The following MPI variants were observed in gnomAD, a reference collection of about 807,000 sequenced individuals.
MPI encodes mannose-6-phosphate isomerase.
In MPI, 33 loss-of-function variants were observed where a neutral mutation model predicts 40.1. That is an observed-to-expected ratio of 0.82 (90% CI 0.62 to 1.10). The LOEUF is 1.10. MPI is among the 50% of genes least tolerant of loss of function. The pLI, the probability that MPI is intolerant of heterozygous loss-of-function variation, is 0.00. For missense variants in MPI, 514 were observed against 524.1 expected, an observed-to-expected ratio of 0.98 and a Z score of 0.19; for synonymous variants, 187 against 207.4, an observed-to-expected ratio of 0.90 and a Z score of 0.85.
At chr15:74,890,409 A>G (rs2064706495) in intron 1 of MPI, 118 bp from the exon 2 acceptor site, 2 of 1,398,476 alleles carry the variant, frequency 1.4e-6, no homozygotes, top group Non-Finnish European at 2.0e-6. Context: ...CCAACAGCCT[A>G]CAAAACCCTT....
chr15:74,890,805 C>A, intron 2 of MPI, 151 bp downstream of exon 2: 2 of 1,023,766 alleles, frequency 2.0e-6, no homozygotes, highest in South Asian at 1.3e-5. Flanking sequence ...ATAGTGTTAT[C>A]AAAAAGAAGA....
intron 1 of MPI, 165 bp downstream of exon 1, chr15:74,890,254 G>A: frequency 1.9e-6 from 2 of 1,067,828 alleles, no homozygotes; most frequent in Non-Finnish European, 2.8e-6. Context: ...ACCTCCGAGG[G>A]GAGGGGGCCC....
chr15:74,891,396 C>G lies in MPI; in HGVS notation c.162C>G (p.His54Gln). 1 of 1,614,138 alleles carries G rather than the reference C, an allele frequency of 6.2e-7. No individual in the cohort carries two copies. The highest frequency in any genetic ancestry group is 8.5e-7 in the Non-Finnish European group (1 of 1,180,034). ...CTTTCCAGTTGTGGATGGGGACTCA[C>G]CCCCGAGGGGATGCCAAGATCCTTG... ...KPYAELWMGTHPRGDAKILDN... is the reference protein window; with the variant it reads ...KPYAELWMGTQPRGDAKILDN... Residue 54 changes from histidine to glutamine, a missense_variant, in exon 3 of 8, where the codon CAC becomes CAG. By Grantham distance (24) the His-to-Gln change is conservative. Coordinates refer to ENST00000352410, the MANE Select transcript of MPI (RefSeq NM_002435.3).
intron 6 of MPI, 107 bp downstream of exon 6, chr15:74,896,432 T>C (rs2064819809): frequency 1.5e-6 from 2 of 1,312,424 alleles, no homozygotes; most frequent in Non-Finnish European, 2.1e-6. Flanking sequence ...CCAAGGACCT[T>C]GCAGCTCTGA....
chr15:74,895,266 C>T (rs1463401390), intron 5 of MPI, among the ~76,000 whole-genome samples: 5 of 150,814 alleles, frequency 3.3e-5, no homozygotes, highest in Non-Finnish European at 7.4e-5. Flanking sequence ...TGAGCCACCG[C>T]GCCCAGCTGA....
Position 74,896,290 on chromosome 15 carries a change from TG to T in MPI, c.811del (p.Glu271ArgfsTer9). 1 of 1,614,220 alleles carries T rather than the reference TG, an allele frequency of 6.2e-7. No individual in the cohort carries two copies. The highest frequency in any genetic ancestry group is 1.1e-5 in the South Asian group (1 of 91,088). On this transcript the variant is annotated frameshift_variant, in exon 6 of 8. Transcript: ENST00000352410. LOFTEE classifies it high-confidence loss of function. ...CTGAAGCCTGGGGAGGCCATGTTTC[TG>T]GAGGCCAACGTACCCCATGCCTACC... Reference protein sequence around the residue: ...LTLKPGEAMFLEANVPHAYLK... With the variant: ...LTLKPGEAMFXEANVPHAYLK...
chr15:74,892,003 T>C (rs1240996116), intron 3 of MPI, among the ~76,000 whole-genome samples: 1 of 152,116 alleles, frequency 6.6e-6, no homozygotes, highest in South Asian at 2.1e-4. Context: ...CTCCTTTTTT[T>C]TTTTTTCTGA....
At chr15:74,891,311 T>C (rs950929716) in intron 2 of MPI, 68 bp from the exon 3 acceptor site, 17 of 1,468,772 alleles carry the variant, frequency 1.2e-5, no homozygotes, top group Admixed American at 1.0e-4. Context: ...GCATAACGGA[T>C]TGGGACAGGC....
In MPI at chr15:74,900,516, C is replaced by G. The variant is rs868737764; in HGVS notation, c.*2786C>G. The G allele has an allele frequency of 6.6e-6, 1 of 152,332 alleles. No homozygotes were observed. The allele number at this position is 152,332 out of a possible 1,614,324, so 9.4% of individuals were successfully genotyped here. A position where few individuals can be genotyped will look rare whatever the true frequency, so the allele number is the denominator to read the frequency against. On this transcript the variant is annotated 3_prime_UTR_variant, in exon 8 of 8. Coordinates refer to ENST00000352410, the MANE Select transcript of MPI (RefSeq NM_002435.3). ...CTTACCTTCCACAGCCACCTCCCAG[C>G]ACACACTGGGTCCCTCTACCTGTGT...
rs1268364682 is a variant in MPI at position 74,897,674 on chromosome 15, C to T, written c.1216C>T (p.Leu406=). 6.2e-7 allele frequency: 1 copy of T among 1,614,210 alleles called. No homozygotes were observed. The highest frequency in any genetic ancestry group is 8.5e-7 in the Non-Finnish European group (1 of 1,180,034). Reference sequence around the variant, plus strand: ...CATTGGGGCCAATGAGAGTGTCTCACTGAAGCTTACTGAGCCGAAGGACCT... The same window carrying T: ...CATTGGGGCCAATGAGAGTGTCTCATTGAAGCTTACTGAGCCGAAGGACCT... ...LFIGANESVS[L]KLTEPKDLLI... The change falls in exon 8 of 8, where the codon CTG becomes TTG. Residue 406 remains leucine, a synonymous_variant. Transcript: ENST00000352410.
intron 6 of MPI, 166 bp from the exon 7 acceptor site, chr15:74,896,845 C>T: frequency 1.4e-6 from 1 of 717,054 alleles, no homozygotes; most frequent in Non-Finnish European, 2.5e-6. Context: ...TGACCTGTCA[C>T]CTGTTTTTGG....
In MPI at chr15:74,897,007, C is replaced by A. The variant is rs1263283257; in HGVS notation, c.845-4C>A. 6.2e-7 allele frequency: 1 copy of A among 1,614,074 alleles called. No individual in the cohort carries two copies. The highest frequency in any genetic ancestry group is 8.5e-7 in the Non-Finnish European group (1 of 1,179,958). On this transcript the variant is annotated splice_polypyrimidine_tract_variant and splice_region_variant and intron_variant, in intron 6 of 7. Transcript: ENST00000352410. ...AGCTTAGCACATGACGACTGTCTCT[C>A]CAGACTGCGTGGAGTGCATGGCGTG...
At position 74,891,400 on chromosome 15, in the gene MPI, C is replaced by T. The variant is rs757168691; in HGVS notation, c.166C>T (p.Arg56Ter). 26 of 1,614,010 alleles carry T rather than the reference C, an allele frequency of 1.6e-5. No homozygotes were observed. The highest frequency in any genetic ancestry group is 2.2e-5 in the East Asian group (1 of 44,898). ...YAELWMGTHP[R>*]GDAKILDNRI... Reference sequence around the variant, plus strand: ...CCAGTTGTGGATGGGGACTCACCCCCGAGGGGATGCCAAGATCCTTGACAA... The same window carrying T: ...CCAGTTGTGGATGGGGACTCACCCCTGAGGGGATGCCAAGATCCTTGACAA... The change falls in exon 3 of 8, where the codon CGA becomes TGA. Residue 56 changes from arginine to a stop codon, truncating the protein, a stop_gained. Coordinates refer to ENST00000352410, the MANE Select transcript of MPI (RefSeq NM_002435.3). LOFTEE classifies it high-confidence loss of function.
Position 74,896,662 on chromosome 15 carries a change from G to A in MPI, c.844+337G>A, listed in dbSNP as rs2064823032. ...TTTGTATGTCTGTCCTACCTACCAG[G>A]GATTTTTACACTAAAATATGCATGT... On this transcript the variant is annotated intron_variant, in intron 6 of 7. Coordinates refer to ENST00000352410, the MANE Select transcript of MPI (RefSeq NM_002435.3). 24 of 608,652 alleles carry A rather than the reference G, an allele frequency of 3.9e-5. 1 individual carries two copies. The highest frequency in any genetic ancestry group is 3.1e-4 in the South Asian group (16 of 50,802). 37.7% of individuals were successfully genotyped at this position (608,652 alleles called of 1,614,324 possible).
chr15:74,896,173 A>T lies in MPI; in HGVS notation c.692A>T (p.Glu231Val). The change falls in exon 6 of 8, where the codon GAG (glutamate) becomes GTG (valine). Residue 231 changes from glutamate (E) to valine (V), a missense_variant. Physicochemically the swap from Glu to Val is moderately radical, Grantham distance 121. Coordinates refer to ENST00000352410, the MANE Select transcript of MPI (RefSeq NM_002435.3). ...SQQAAAGNNMEDIFGELLLQL... is the reference protein window; with the variant it reads ...SQQAAAGNNMVDIFGELLLQL... Reference sequence around the variant, plus strand: ...TCAGCGGCTGCCGGAAACAACATGGAGGACATCTTTGGGGAGCTTTTGCTA... The same window carrying T: ...TCAGCGGCTGCCGGAAACAACATGGTGGACATCTTTGGGGAGCTTTTGCTA... The T allele has an allele frequency of 1.2e-6, 2 of 1,614,138 alleles. No individual in the cohort carries two copies. The highest frequency in any genetic ancestry group is 1.7e-6 in the Non-Finnish European group (2 of 1,180,032).
At chr15:74,891,332 T>C (rs2064722975) in intron 2 of MPI, 47 bp from the exon 3 acceptor site, 1 of 1,580,148 alleles carries the variant, frequency 6.3e-7, no homozygotes, top group Non-Finnish European at 8.7e-7. Flanking sequence ...CAACTCAGGG[T>C]GGCAGGTTTC....
At position 74,900,346 on chromosome 15, in the gene MPI, G is replaced by A. The variant is rs1217635075; in HGVS notation, c.*2616G>A. On this transcript the variant is annotated 3_prime_UTR_variant, in exon 8 of 8. Coordinates refer to ENST00000352410, the MANE Select transcript of MPI (RefSeq NM_002435.3). ...AGAAACCTCTTCTTCAGGGACAGTTGCAGCTGAATATGCCAGAGCTGATTA... is the reference window on the plus strand; with the variant it reads ...AGAAACCTCTTCTTCAGGGACAGTTACAGCTGAATATGCCAGAGCTGATTA... The A allele has an allele frequency of 6.6e-6, 1 of 152,286 alleles. No individual in the cohort carries two copies. Among genetic ancestry groups the A allele is most frequent in the Non-Finnish European group, 1.5e-5 (1 of 68,126 alleles). 9.4% of individuals were successfully genotyped at this position (152,286 alleles called of 1,614,324 possible).
chr15:74,901,986 A>G lies in MPI; in HGVS notation c.*4256A>G, dbSNP rs1035545105. ...GACCAGTTGGGGATGCCCCAGGTCC[A>G]GGGATTCTGGAAGCCAGGATCCTGC... is the stretch of plus-strand genomic sequence containing the variant. On this transcript the variant is annotated 3_prime_UTR_variant, in exon 8 of 8. Coordinates refer to ENST00000352410, the MANE Select transcript of MPI (RefSeq NM_002435.3). The G allele has an allele frequency of 5.0e-6, 2 of 397,208 alleles. No individual in the cohort carries two copies. The highest frequency in any genetic ancestry group is 4.1e-5 in the African/African-American group (2 of 48,650). 24.6% of individuals were successfully genotyped at this position (397,208 alleles called of 1,614,324 possible).
At position 74,897,663 on chromosome 15, in the gene MPI, A is replaced by T; in HGVS notation, c.1205A>T (p.Glu402Val). The T allele has an allele frequency of 6.2e-7, 1 of 1,614,160 alleles. No individual in the cohort carries two copies. The highest frequency in any genetic ancestry group is 1.1e-5 in the South Asian group (1 of 91,080). Reference protein sequence around the residue: ...RGGVLFIGANESVSLKLTEPK... With the variant: ...RGGVLFIGANVSVSLKLTEPK... ...GGCGTGCTCTTCATTGGGGCCAATG[A>T]GAGTGTCTCACTGAAGCTTACTGAG... is the stretch of plus-strand genomic sequence containing the variant. The change falls in exon 8 of 8, where the codon GAG (glutamate) becomes GTG (valine). Residue 402 changes from glutamate to valine, a missense_variant. Transcript: ENST00000352410.
Sources: allele counts gnomAD v4.1 joint callset (sites outside exome capture counted in the v4.1 genomes callset), GRCh38; gene constraint gnomAD v4.1.1; transcripts MANE v1.5; gene names NCBI Gene and HGNC (gene_info 2026-07-23, HGNC 2026-07-21).